The following EGFLAM variants were observed in gnomAD, a reference collection of about 807,000 sequenced individuals.
The protein encoded by EGFLAM is EGF like, fibronectin type III and laminin G domains.
In EGFLAM, 79 loss-of-function variants were observed where a neutral mutation model predicts 113.1. That is an observed-to-expected ratio of 0.70 (90% CI 0.58 to 0.84). The LOEUF (loss-of-function observed/expected upper bound fraction) is 0.84, where lower values mean the gene tolerates loss of function less well. Ranked by LOEUF, EGFLAM falls within the 40% of genes least tolerant of loss-of-function variation. The pLI, the probability that EGFLAM is intolerant of heterozygous loss-of-function variation, is 0.00. For synonymous variants in EGFLAM, 504 were observed against 487.6 expected (o/e 1.03, Z -0.44); for missense variants, 1,265 against 1,291.6 (o/e 0.98, Z 0.32).
At chr5:38,405,961 A>T (rs1454980218) in intron 6 of EGFLAM, 165 bp from the exon 7 acceptor site, 1 of 630,800 alleles carries the variant, frequency 1.6e-6, no homozygotes, top group Non-Finnish European at 2.9e-6. Context: ...AACTTTTTTT[A>T]TATCTTTTGG....
At chr5:38,426,900 G>A in intron 13 of EGFLAM, 109 bp from the exon 14 acceptor site, 1 of 1,485,042 alleles carries the variant, frequency 6.7e-7, no homozygotes, top group South Asian at 1.3e-5. Context: ...AGGGCTGCTG[G>A]GAATTGTAGT....
chr5:38,311,266 G>A (rs893152499), intron 1 of EGFLAM, among the ~76,000 whole-genome samples: 4 of 151,910 alleles, frequency 2.6e-5, no homozygotes, highest in African/African-American at 7.3e-5. Context: ...ATTATTAACT[G>A]CAGTCATCAT....
At chr5:38,323,597 T>A (rs923733721) in intron 1 of EGFLAM, among the ~76,000 whole-genome samples, 3 of 152,212 alleles carry the variant, frequency 2.0e-5, no homozygotes, top group African/African-American at 7.2e-5. Flanking sequence ...GTGTTATTTT[T>A]ATATTTAACT....
chr5:38,427,019 G>T lies in EGFLAM; in HGVS notation c.1821G>T (p.Leu607Phe). ...TGCTTGTTTTTTCAGCTTTCACCTT[G>T]ACCATTCCTCAGTTCAGAGAGTCTC... is the stretch of plus-strand genomic sequence containing the variant. ...KGRHCEDAFT[L>F]TIPQFRESLR... Residue 607 changes from leucine (L) to phenylalanine (F), a missense_variant, in exon 14 of 22, where the codon TTG becomes TTT. Leu to Phe is a conservative substitution (Grantham distance 22). Transcript: ENST00000322350. 2 of 1,613,820 alleles carry T rather than the reference G, an allele frequency of 1.2e-6. No homozygotes were observed. Among genetic ancestry groups the T allele is most frequent in the South Asian group, 2.2e-5 (2 of 91,020 alleles).
chr5:38,424,016 A>G (rs913023522), intron 12 of EGFLAM, among the ~76,000 whole-genome samples: 2 of 152,108 alleles, frequency 1.3e-5, no homozygotes, highest in Non-Finnish European at 2.9e-5. Flanking sequence ...AGCCTTGAAG[A>G]CTGGGAGAGA....
intron 17 of EGFLAM, among the ~76,000 whole-genome samples, chr5:38,441,873 C>G (rs539427910): frequency 6.6e-6 from 1 of 152,254 alleles, no homozygotes; most frequent in East Asian, 1.9e-4. Flanking sequence ...AGCTTCAATT[C>G]AGACTGTGCA....
At chr5:38,268,431 A>G (rs1757685877) in intron 1 of EGFLAM, among the ~76,000 whole-genome samples, 1 of 152,154 alleles carries the variant, frequency 6.6e-6, no homozygotes. Context: ...GTGCCAAATC[A>G]GAATATGGTC....
chr5:38,456,976 A>G (rs1027165410), intron 19 of EGFLAM, among the ~76,000 whole-genome samples: 2 of 152,246 alleles, frequency 1.3e-5, no homozygotes, highest in African/African-American at 4.8e-5. Flanking sequence ...TTTAATTAGA[A>G]TAATTGAATG....
chr5:38,302,273 A>G (rs1327990733), intron 1 of EGFLAM, among the ~76,000 whole-genome samples: 1 of 151,556 alleles, frequency 6.6e-6, no homozygotes, highest in African/African-American at 2.4e-5. Context: ...AATCACATGT[A>G]TAGATTTTGT....
At chr5:38,292,148 T>C (rs1758351635) in intron 1 of EGFLAM, among the ~76,000 whole-genome samples, 1 of 152,254 alleles carries the variant, frequency 6.6e-6, no homozygotes, top group Non-Finnish European at 1.5e-5. Context: ...TCCCCCCAGA[T>C]GTGCAGAAAC....
intron 19 of EGFLAM, among the ~76,000 whole-genome samples, chr5:38,455,933 A>G (rs921056660): frequency 1.3e-5 from 2 of 152,178 alleles, no homozygotes; most frequent in South Asian, 4.1e-4. Flanking sequence ...ACACAGCCAG[A>G]TCACCTTGAT....
chr5:38,406,779 T>C (rs1741299437), intron 7 of EGFLAM, 49 bp from the exon 8 acceptor site: 1 of 1,544,066 alleles, frequency 6.5e-7, no homozygotes, highest in African/African-American at 1.4e-5. Flanking sequence ...AACAGTCCAA[T>C]TGCCATGCTC....
rs3048229 is a variant in EGFLAM, at chr5:38,441,593, T to TACAC, written c.2464+3165_2464+3168dup. Among the ~76,000 whole-genome samples the TACAC allele has an allele frequency of 5.3e-3, 776 of 147,644 alleles. 5 individuals are homozygous for TACAC. The highest frequency in any genetic ancestry group is 0.015 in the African/African-American group (597 of 40,130). On this transcript the variant is annotated intron_variant, in intron 17 of 21. Coordinates refer to ENST00000322350, the MANE Select transcript of EGFLAM (RefSeq NM_152403.4). Reference sequence around the variant, plus strand: ...CTGAGGAATATGAATCGCTGCTTTGTACACACACACACACACACACACACA... The same window carrying TACAC: ...CTGAGGAATATGAATCGCTGCTTTGTACACACACACACACACACACACACACACA...
chr5:38,457,209 C>T (rs2112282102), intron 19 of EGFLAM, among the ~76,000 whole-genome samples: 1 of 152,256 alleles, frequency 6.6e-6, no homozygotes, highest in East Asian at 1.9e-4. Context: ...TGGGGCTCAC[C>T]CTACTCTGCA....
rs1043984827 is a variant in EGFLAM, at chr5:38,258,648, G to A, written c.-107G>A. 1 of 1,321,060 alleles carries A rather than the reference G, an allele frequency of 7.6e-7. No homozygotes were observed. The highest frequency in any genetic ancestry group is 1.1e-6 in the Non-Finnish European group (1 of 940,540). 81.8% of individuals were successfully genotyped at this position (1,321,060 alleles called of 1,614,324 possible). A position where few individuals can be genotyped will look rare whatever the true frequency, so the allele number is the denominator to read the frequency against. On this transcript the variant is annotated 5_prime_UTR_variant, in exon 1 of 22. Transcript: ENST00000322350. ...AGCCCTCGCAGCCCCCCACCTCCTC[G>A]CCCCGGCCCGGGGATCCGTTGGGGC...
At chr5:38,430,407 T>C (rs1459270142) in intron 14 of EGFLAM, among the ~76,000 whole-genome samples, 1 of 152,170 alleles carries the variant, frequency 6.6e-6, no homozygotes, top group Non-Finnish European at 1.5e-5. Flanking sequence ...AAGGAATAAA[T>C]AAAACAATAA....
Position 38,429,241 on chromosome 5 carries a change from C to G in EGFLAM, c.2055-1936C>G, listed in dbSNP as rs187427417. Among the ~76,000 whole-genome samples, 64 of 152,290 alleles carry G rather than the reference C, an allele frequency of 4.2e-4. No individual in the cohort carries two copies. In the East Asian group the frequency reaches 7.9e-3, roughly 19 times the overall value. On this transcript the variant is annotated intron_variant, in intron 14 of 21. Coordinates refer to ENST00000322350, the MANE Select transcript of EGFLAM (RefSeq NM_152403.4). ...AGGTGGCATATTGACAGCAAATGACCTCTGCAGTACAAAAACATGAAATGG... is the reference window on the plus strand; with the variant it reads ...AGGTGGCATATTGACAGCAAATGACGTCTGCAGTACAAAAACATGAAATGG...
intron 5 of EGFLAM, among the ~76,000 whole-genome samples, chr5:38,367,778 C>G (rs957688769): frequency 6.6e-6 from 1 of 152,180 alleles, no homozygotes; most frequent in Non-Finnish European, 1.5e-5. Flanking sequence ...TTCTCAGCCT[C>G]ACCTTTGTAC....
At chr5:38,401,088 T>C (rs1741099609) in intron 6 of EGFLAM, 1 of 152,216 alleles carries the variant, frequency 6.6e-6, no homozygotes, top group African/African-American at 2.4e-5. Context: ...GAAAAATATG[T>C]GCCTTATTTT....
Sources: allele counts gnomAD v4.1 joint callset (sites outside exome capture counted in the v4.1 genomes callset), GRCh38; gene constraint gnomAD v4.1.1; transcripts MANE v1.5; gene names NCBI Gene and HGNC (gene_info 2026-07-23, HGNC 2026-07-21).